The following ZNF292 variants were observed in gnomAD, a reference collection of about 807,000 sequenced individuals.
ZNF292 encodes the protein zinc finger protein 292.
ZNF292 carries 26 observed loss-of-function variants against 217.9 expected under a neutral mutation model. The ratio of observed to expected loss-of-function variants is 0.12; its 90% CI spans 0.09 to 0.17. The LOEUF (loss-of-function observed/expected upper bound fraction) is 0.17. ZNF292 is among the 10% of genes least tolerant of loss of function. The pLI is 1.00. For synonymous variants in ZNF292, 1,257 were observed against 1,124.1 expected (o/e 1.12, Z -2.37); for missense variants, 2,904 against 3,175.2 (o/e 0.91, Z 2.05).
intron 4 of ZNF292, chr6:87,223,797 A>C (rs1773210517): frequency 6.6e-6 from 1 of 152,100 alleles, no homozygotes; most frequent in Non-Finnish European, 1.5e-5. Context: ...GCTTTCTGGC[A>C]CTGTAATATG....
intron 1 of ZNF292, among the ~76,000 whole-genome samples, chr6:87,204,578 T>TTTG (rs1190360096): frequency 1.4e-5 from 2 of 146,862 alleles, no homozygotes; most frequent in Non-Finnish European, 3.0e-5. Flanking sequence ...TTTTTTTTTT[T>TTTG]TTGATACTAA....
chr6:87,218,670 G>T lies in ZNF292; in HGVS notation c.477G>T (p.Gly159=). 6.3e-7 allele frequency: 1 copy of T among 1,594,460 alleles called. No individual in the cohort carries two copies. The highest frequency in any genetic ancestry group is 1.7e-4 in the Middle Eastern group (1 of 6,050). The change falls in exon 4 of 8, where the codon GGG becomes GGT. Residue 159 remains glycine (G), a synonymous_variant. Transcript: ENST00000369577. The part of the protein sequence containing the change: ...HFLATLAQET[G]VWKNPVLCTI... ...TAGCTACTCTAGCTCAAGAGACTGG[G>T]GTGTGGAAAAACCCGGTACTGTGCA... is the stretch of plus-strand genomic sequence containing the variant.
chr6:87,159,516 TAA>T (rs60026358), intron 1 of ZNF292, among the ~76,000 whole-genome samples: 2 of 133,010 alleles, frequency 1.5e-5, no homozygotes, highest in African/African-American at 3.0e-5. Context: ...TTTTTTTTTT[TAA>T]AAAAGATGTA....
At chr6:87,169,644 GT>G in intron 1 of ZNF292, 3 of 415,428 alleles carry the variant, frequency 7.2e-6, no homozygotes, top group Admixed American at 2.6e-5. Flanking sequence ...GCATTTAGTT[GT>G]TTTTTTGTTT....
At chr6:87,198,970 A>G (rs566093691) in intron 1 of ZNF292, among the ~76,000 whole-genome samples, 3 of 152,204 alleles carry the variant, frequency 2.0e-5, no homozygotes, top group Admixed American at 6.5e-5. Flanking sequence ...TGTTGCTGTG[A>G]ACAGTCATAT....
At chr6:87,238,834 C>T (rs924771600) in intron 5 of ZNF292, among the ~76,000 whole-genome samples, 5 of 147,514 alleles carry the variant, frequency 3.4e-5, no homozygotes, top group African/African-American at 7.6e-5. Context: ...TGGGGCCTTC[C>T]GCAGTGTTTG....
intron 1 of ZNF292, among the ~76,000 whole-genome samples, chr6:87,160,316 A>G (rs569338777): frequency 5.5e-4 from 83 of 152,242 alleles, no homozygotes; most frequent in Middle Eastern, 6.8e-3. Context: ...GTAATAGTTG[A>G]TTTGTTGGAG....
chr6:87,245,954 T>G (rs1242046978), intron 7 of ZNF292, among the ~76,000 whole-genome samples: 1 of 152,228 alleles, frequency 6.6e-6, no homozygotes, highest in Non-Finnish European at 1.5e-5. Context: ...AAAAGTAGGC[T>G]GGGCGTGGTG....
chr6:87,164,987 A>G (rs1039725388), intron 1 of ZNF292, among the ~76,000 whole-genome samples: 1 of 149,610 alleles, frequency 6.7e-6, no homozygotes, highest in African/African-American at 2.5e-5. Flanking sequence ...CTGGTCTCGA[A>G]CTCCTGACCT....
chr6:87,214,925 A>G (rs1435107105), intron 1 of ZNF292: 1 of 143,108 alleles, frequency 7.0e-6, no homozygotes, highest in African/African-American at 2.6e-5. Flanking sequence ...TCCAGTTTTT[A>G]AAAGTGCTTC....
chr6:87,187,314 A>G (rs1771694064), intron 1 of ZNF292, among the ~76,000 whole-genome samples: 1 of 152,114 alleles, frequency 6.6e-6, no homozygotes, highest in Non-Finnish European at 1.5e-5. Flanking sequence ...CATGATAAAT[A>G]TCAGTAAAGT....
At chr6:87,239,819 C>T (rs1480396104) in intron 5 of ZNF292, among the ~76,000 whole-genome samples, 1 of 151,922 alleles carries the variant, frequency 6.6e-6, no homozygotes, top group African/African-American at 2.4e-5. Context: ...ACGCTCCTCA[C>T]TTCCTAGACG....
At chr6:87,249,756 C>T (rs1774806791) in intron 7 of ZNF292, among the ~76,000 whole-genome samples, 1 of 151,974 alleles carries the variant, frequency 6.6e-6, no homozygotes, top group African/African-American at 2.4e-5. Context: ...GTTGCCCAGG[C>T]TGCAGTGCAG....
Position 87,260,329 on chromosome 6 carries a change from G to T in ZNF292, c.6700G>T (p.Val2234Phe). ...TTCATTTACTACATATTTGAACTAT[G>T]TTGTTCATCTAGAGGCAGACCACGG... is the stretch of plus-strand genomic sequence containing the variant. ...KSSFTTYLNY[V>F]VHLEADHGIG... The change falls in exon 8 of 8, where the codon GTT (valine) becomes TTT (phenylalanine). Residue 2234 changes from valine to phenylalanine, a missense_variant. Around this residue, in one of 15 missense-constraint regions of ZNF292, gnomAD observed 55 missense variants for 99.8 expected, o/e 0.55. Coordinates refer to ENST00000369577, the MANE Select transcript of ZNF292 (RefSeq NM_015021.3). 1 of 1,613,424 alleles carries T rather than the reference G, an allele frequency of 6.2e-7. No homozygotes were observed. The highest frequency in any genetic ancestry group is 8.5e-7 in the Non-Finnish European group (1 of 1,179,514).
rs753290325 is a variant in ZNF292 at position 87,256,309 on chromosome 6, A to G, written c.2680A>G (p.Lys894Glu). 4 of 1,613,590 alleles carry G rather than the reference A, an allele frequency of 2.5e-6. No homozygotes were observed. Among genetic ancestry groups the G allele is most frequent in the Non-Finnish European group, 3.4e-6 (4 of 1,179,866 alleles). ...ADRSDAWDKS[K>E]AESAVTKQDQ... Reference sequence around the variant, plus strand: ...TAGAAGTGATGCTTGGGATAAAAGCAAAGCAGAATCAGCTGTGACCAAACA... The same window carrying G: ...TAGAAGTGATGCTTGGGATAAAAGCGAAGCAGAATCAGCTGTGACCAAACA... Residue 894 changes from lysine (K) to glutamate (E), a missense_variant, in exon 8 of 8, where the codon AAA becomes GAA. This residue lies in a region of ZNF292 where 687 missense variants were observed against 623.0 expected (regional missense o/e 1.10). Transcript: ENST00000369577.
In ZNF292 at chr6:87,261,931, AAAG is replaced by A. The variant is rs1775626242; in HGVS notation, c.*133_*135del. ...ATGAATTAACCTGGCCAAAAACAAA[AAAG>A]AAAAAAAAAACATGACATTTGTCAT... On this transcript the variant is annotated 3_prime_UTR_variant, in exon 8 of 8. Coordinates refer to ENST00000369577, the MANE Select transcript of ZNF292 (RefSeq NM_015021.3). 4 of 676,932 alleles carry A rather than the reference AAAG, an allele frequency of 5.9e-6. No individual in the cohort carries two copies. Among genetic ancestry groups the A allele is most frequent in the Non-Finnish European group, 8.7e-6 (4 of 459,302 alleles). The allele number at this position is 676,932 out of a possible 1,614,324, so 41.9% of individuals were successfully genotyped here.
intron 2 of ZNF292, 101 bp from the exon 3 acceptor site, chr6:87,216,198 T>C (rs1399681415): frequency 7.7e-7 from 1 of 1,304,650 alleles, no homozygotes; most frequent in Non-Finnish European, 1.1e-6. Context: ...TTAAATAGAT[T>C]AGTTATGGGG....
At chr6:87,189,068 G>A (rs1177797588) in intron 1 of ZNF292, among the ~76,000 whole-genome samples, 1 of 151,994 alleles carries the variant, frequency 6.6e-6, no homozygotes, top group Non-Finnish European at 1.5e-5. Flanking sequence ...AGCTGGATAA[G>A]GTGGCGAGCG....
Position 87,255,088 on chromosome 6 carries a change from G to A in ZNF292, c.1459G>A (p.Glu487Lys). The change falls in exon 8 of 8, where the codon GAA becomes AAA. Residue 487 changes from glutamate (E) to lysine (K), a missense_variant. Transcript: ENST00000369577. ...ATATGAAAAAGTGGTAGACTACCAA[G>A]AAGAGAGTAAAGAAACTTCTATGAA... Reference protein sequence around the residue: ...EVYEKVVDYQEESKETSMNGL... With the variant: ...EVYEKVVDYQKESKETSMNGL... 1.9e-6 allele frequency: 3 copies of A among 1,613,576 alleles called. No homozygotes were observed. Among genetic ancestry groups the A allele is most frequent in the Non-Finnish European group, 2.5e-6 (3 of 1,179,806 alleles).
Sources: allele counts gnomAD v4.1 joint callset (sites outside exome capture counted in the v4.1 genomes callset), GRCh38; gene constraint gnomAD v4.1.1; regional missense constraint gnomAD v4.1.1; transcripts MANE v1.5; gene names NCBI Gene and HGNC (gene_info 2026-07-23, HGNC 2026-07-21).